The following HECW2 variants were observed in gnomAD, a reference collection of about 807,000 sequenced individuals.
HECW2 encodes HECT, C2 and WW domain containing E3 ubiquitin protein ligase 2.
Under a neutral mutation model 175.2 loss-of-function variants are expected in HECW2, and 61 were observed. That is an observed-to-expected ratio of 0.35 (90% CI 0.28 to 0.43). The LOEUF is 0.43. Ranked by LOEUF, HECW2 falls within the 20% of genes least tolerant of loss-of-function variation. HECW2 has a pLI of 1.00. For missense variants in HECW2, 1,524 were observed against 2,000.5 expected (o/e 0.76, Z 4.54); for synonymous variants, 671 against 731.0 (o/e 0.92, Z 1.32).
At chr2:196,541,731 G>GT (rs200576096) in intron 1 of HECW2, among the ~76,000 whole-genome samples, 9,015 of 146,896 alleles carry the variant, frequency 0.061, 875 homozygotes, top group African/African-American at 0.2. Context: ...ACATTTAAAG[G>GT]TTTTTTTTTT....
intron 1 of HECW2, among the ~76,000 whole-genome samples, chr2:196,590,310 G>A (rs1575705550): frequency 1.3e-5 from 2 of 152,214 alleles, no homozygotes; most frequent in Admixed American, 1.3e-4. Flanking sequence ...AAGGCATCCT[G>A]TGTGTAATGA....
chr2:196,322,750 G>T, intron 6 of HECW2, 130 bp from the exon 7 acceptor site: 1 of 739,204 alleles, frequency 1.4e-6, no homozygotes, highest in Non-Finnish European at 2.1e-6. Context: ...GCTAGAAATA[G>T]CTGCAGCTAT....
In HECW2 at chr2:196,325,141, C is replaced by A; in HGVS notation, c.580G>T (p.Ala194Ser). The A allele has an allele frequency of 6.3e-7, 1 of 1,580,790 alleles. No homozygotes were observed. Among genetic ancestry groups the A allele is most frequent in the South Asian group, 1.2e-5 (1 of 85,762 alleles). The stretch of plus-strand genomic sequence containing the variant: ...AACATCCCTTTCTTTAGCCCAACTG[C>A]CCTAAGATCTTTAAAGAAAGAGGGA... ...LVSFTLSDLRAVGLKKGMFFN... is the reference protein window; with the variant it reads ...LVSFTLSDLRSVGLKKGMFFN... Residue 194 changes from alanine to serine, a missense_variant, in exon 6 of 29, where the codon GCA becomes TCA. Physicochemically the swap from Ala to Ser is moderately conservative, Grantham distance 99 (BLOSUM62 1). Coordinates refer to ENST00000644978, the MANE Select transcript of HECW2 (RefSeq NM_001348768.2).
chr2:196,322,232 T>C (rs906637305), intron 7 of HECW2, among the ~76,000 whole-genome samples: 2 of 152,182 alleles, frequency 1.3e-5, no homozygotes, highest in African/African-American at 4.8e-5. Context: ...CACTATGAGA[T>C]TTGACACTGA....
rs543769090 is a variant in HECW2 at position 196,259,211 on chromosome 2, T to A, written c.3336-1305A>T. Among the ~76,000 whole-genome samples the A allele has an allele frequency of 4.6e-5, 7 of 152,338 alleles. No individual in the cohort carries two copies. In the South Asian group the frequency reaches 1.5e-3, roughly 32 times the overall value. On this transcript the variant is annotated intron_variant, in intron 17 of 28. Transcript: ENST00000644978. ...CTGGTCTCAAACTCCTGGCCTCATG[T>A]GAGCTGCCTGCCTTGGCCTCTCAAA... is the stretch of plus-strand genomic sequence containing the variant.
chr2:196,511,443 C>A (rs917449531), intron 1 of HECW2, among the ~76,000 whole-genome samples: 1 of 152,200 alleles, frequency 6.6e-6, no homozygotes, highest in African/African-American at 2.4e-5. Flanking sequence ...CTCAAGCCTA[C>A]TTCACTGATA....
intron 1 of HECW2, among the ~76,000 whole-genome samples, chr2:196,445,791 G>A (rs1696165539): frequency 6.6e-6 from 1 of 152,172 alleles, no homozygotes; most frequent in Non-Finnish European, 1.5e-5. Context: ...GGCCATACTA[G>A]AGTACGACTA....
At chr2:196,471,052 G>C (rs1027449861) in intron 1 of HECW2, among the ~76,000 whole-genome samples, 2 of 149,982 alleles carry the variant, frequency 1.3e-5, no homozygotes, top group African/African-American at 4.9e-5. Context: ...GTGTAAACAA[G>C]GACAAGGAGC....
intron 1 of HECW2, among the ~76,000 whole-genome samples, chr2:196,503,079 C>G (rs1427137324): frequency 6.6e-6 from 1 of 152,144 alleles, no homozygotes; most frequent in Non-Finnish European, 1.5e-5. Flanking sequence ...GGGGCCTCAC[C>G]TCTGCATAAT....
At position 196,319,689 on chromosome 2, in the gene HECW2, A is replaced by C; in HGVS notation, c.1201T>G (p.Ser401Ala). Reference sequence around the variant, plus strand: ...GGAGGTGAGGTCCTTGAAGACGTAGAGGTTAATTCCTCTGTGTCTATTTCC... The same window carrying C: ...GGAGGTGAGGTCCTTGAAGACGTAGCGGTTAATTCCTCTGTGTCTATTTCC... ...TLEIDTEELT[S>A]TSSRTSPPRG... Residue 401 changes from serine to alanine, a missense_variant, in exon 9 of 29, where the codon TCT (serine) becomes GCT (alanine). Around this residue, in one of 11 missense-constraint regions of HECW2, gnomAD observed 604 missense variants for 588.3 expected, o/e 1.03. Coordinates refer to ENST00000644978, the MANE Select transcript of HECW2 (RefSeq NM_001348768.2). The C allele has an allele frequency of 6.2e-7, 1 of 1,614,234 alleles. No homozygotes were observed. The highest frequency in any genetic ancestry group is 8.5e-7 in the Non-Finnish European group (1 of 1,180,042).
chr2:196,527,935 A>T (rs1272259890), intron 1 of HECW2, among the ~76,000 whole-genome samples: 2 of 152,224 alleles, frequency 1.3e-5, no homozygotes, highest in Non-Finnish European at 2.9e-5. Context: ...ACTTCTGATT[A>T]TTTCCACATT....
At chr2:196,228,059 T>C (rs758752147) in intron 22 of HECW2, 43 bp downstream of exon 22, 7 of 1,477,826 alleles carry the variant, frequency 4.7e-6, no homozygotes, top group East Asian at 2.5e-5. Context: ...ACTAATATCA[T>C]AGGAAATCGC....
At chr2:196,287,928 A>T (rs1249706526) in intron 14 of HECW2, 1 of 152,182 alleles carries the variant, frequency 6.6e-6, no homozygotes, top group African/African-American at 2.4e-5. Flanking sequence ...CTCATGCCAT[A>T]AATAAGTCAT....
chr2:196,282,956 C>T (rs1301137801), intron 14 of HECW2, among the ~76,000 whole-genome samples: 3 of 151,884 alleles, frequency 2.0e-5, no homozygotes, highest in African/African-American at 7.3e-5. Context: ...TGAAGGATGG[C>T]TGAGCAAAAA....
intron 10 of HECW2, chr2:196,316,160 A>C (rs1264287911): frequency 6.6e-6 from 1 of 152,160 alleles, no homozygotes; most frequent in Non-Finnish European, 1.5e-5. Flanking sequence ...ATTTTATTTT[A>C]AACTGCTTAA....
At chr2:196,301,880 T>C (rs34410250) in intron 13 of HECW2, among the ~76,000 whole-genome samples, 5,826 of 152,278 alleles carry the variant, frequency 0.038, 150 homozygotes, top group South Asian at 0.089. Context: ...AGAAGCTCTT[T>C]AGTTTAATTA....
chr2:196,435,835 G>A (rs954640507), intron 1 of HECW2, among the ~76,000 whole-genome samples: 1 of 152,176 alleles, frequency 6.6e-6, no homozygotes, highest in Non-Finnish European at 1.5e-5. Context: ...AAATAAATCA[G>A]TACAGATAAA....
chr2:196,520,267 CAAA>C (rs35560202), intron 1 of HECW2, among the ~76,000 whole-genome samples: 3 of 141,296 alleles, frequency 2.1e-5, no homozygotes, highest in African/African-American at 5.0e-5. Flanking sequence ...AAATTATTAC[CAAA>C]AAAAAAAAAA....
chr2:196,473,973 T>TATCAGGC, intron 1 of HECW2, among the ~76,000 whole-genome samples: 1 of 152,314 alleles, frequency 6.6e-6, no homozygotes, highest in Non-Finnish European at 1.5e-5. Context: ...CAGCGAGAAT[T>TATCAGGC]TTTCTAGAAC....
Sources: gnomAD v4.1 joint callset for allele counts (sites outside exome capture counted in the v4.1 genomes callset) on GRCh38, gnomAD v4.1.1 for gene constraint, gnomAD v4.1.1 regional missense constraint, MANE v1.5 for transcripts, NCBI Gene and HGNC (gene_info 2026-07-23, HGNC 2026-07-21) for gene names.